PRDM7: variants seen among roughly 807,000 people sequenced by gnomAD.
The protein encoded by PRDM7 is histone-lysine N-methyltransferase PRDM7.
In PRDM7, 52 loss-of-function variants were observed where a neutral mutation model predicts 64.3. The ratio of observed to expected loss-of-function variants is 0.81; its 90% CI spans 0.65 to 1.02. The LOEUF is 1.02. PRDM7 is among the 50% of genes least tolerant of loss of function. The pLI is 0.00. For missense variants in PRDM7, 574 were observed against 597.1 expected, an observed-to-expected ratio of 0.96 and a Z score of 0.40; for synonymous variants, 192 against 210.1, an observed-to-expected ratio of 0.91 and a Z score of 0.74.
At position 90,062,503 on chromosome 16, in the gene PRDM7, C is replaced by A. The variant is rs751078047; in HGVS notation, c.509-1G>T. The A allele has an allele frequency of 5.0e-6, 8 of 1,611,748 alleles. No homozygotes were observed. The highest frequency in any genetic ancestry group is 6.8e-6 in the Non-Finnish European group (8 of 1,178,002). ...CCTTCAGTCTCCTTCCTCCTGAGTT[C>A]TAGGTTGGAGAAGAGTAGATGGGTA... On this transcript the variant is annotated splice_acceptor_variant, in intron 6 of 10. Coordinates refer to ENST00000449207, the MANE Select transcript of PRDM7 (RefSeq NM_001098173.2). LOFTEE classifies it high-confidence loss of function.
chr16:90,076,491 A>G (rs185360124), intron 1 of PRDM7, among the ~76,000 whole-genome samples: 73 of 152,274 alleles, frequency 4.8e-4, no homozygotes, highest in African/African-American at 1.6e-3. Flanking sequence ...AGGGGAAGCT[A>G]TCTCTCAGGT....
At chr16:90,062,228 A>G (rs1311796377) in intron 7 of PRDM7, 36 bp from the exon 8 acceptor site, 1 of 1,614,240 alleles carries the variant, frequency 6.2e-7, no homozygotes, top group East Asian at 2.2e-5. Flanking sequence ...GGAAAGTTGT[A>G]ATGCATGTTC....
intron 4 of PRDM7, 49 bp downstream of exon 4, chr16:90,074,867 G>C (rs772769163): frequency 6.3e-7 from 1 of 1,584,838 alleles, no homozygotes; most frequent in South Asian, 1.1e-5. Flanking sequence ...CAACAAGAGC[G>C]AAACTCCGTC....
At chr16:90,060,694 C>T (rs1484769340) in intron 9 of PRDM7, 71 bp from the exon 10 acceptor site, 5 of 1,582,526 alleles carry the variant, frequency 3.2e-6, no homozygotes, top group African/African-American at 1.3e-5. Flanking sequence ...CTACAATGCT[C>T]ATCCTGCCTA....
At chr16:90,065,475 C>T (rs1471770719) in intron 5 of PRDM7, among the ~76,000 whole-genome samples, 2 of 150,436 alleles carry the variant, frequency 1.3e-5, no homozygotes, top group Admixed American at 6.6e-5. Context: ...TGGCTCACAT[C>T]TGTAATCCCA....
chr16:90,075,832 G>A lies in PRDM7; in HGVS notation c.69+10C>T, dbSNP rs765971660. ...GCTGGGAGTCTGGCTTCGCCTCCCC[G>A]ACTTCTCACCATGGGCTTCCGCTCT... is the stretch of plus-strand genomic sequence containing the variant. On this transcript the variant is annotated intron_variant, in intron 2 of 10. Coordinates refer to ENST00000449207, the MANE Select transcript of PRDM7 (RefSeq NM_001098173.2). This position sits in a 1 kb window ranked among gnomAD's most constrained non-coding sequence, Gnocchi z 4.3. 9.9e-6 allele frequency: 16 copies of A among 1,613,194 alleles called. No individual in the cohort carries two copies. Among genetic ancestry groups the A allele is most frequent in the Non-Finnish European group, 1.2e-5 (14 of 1,179,638 alleles).
At position 90,060,530 on chromosome 16, in the gene PRDM7, C is replaced by A; in HGVS notation, c.1044G>T (p.Arg348Ser). 4 of 1,614,030 alleles carry A rather than the reference C, an allele frequency of 2.5e-6. No homozygotes were observed. The highest frequency in any genetic ancestry group is 3.4e-6 in the Non-Finnish European group (4 of 1,179,942). The change falls in exon 10 of 11, where the codon AGG (arginine) becomes AGT (serine). Residue 348 changes from arginine (R) to serine (S), a missense_variant. Coordinates refer to ENST00000449207, the MANE Select transcript of PRDM7 (RefSeq NM_001098173.2). ...ACCAGACCAGCAGTTCACAGCCTGGCCTAATGACTCGGCAGGTTCTATAGA... is the reference window on the plus strand; with the variant it reads ...ACCAGACCAGCAGTTCACAGCCTGGACTAATGACTCGGCAGGTTCTATAGA... ...QIFYRTCRVIRPGCELLVWSG... is the reference protein window; with the variant it reads ...QIFYRTCRVISPGCELLVWSG...
rs770201192 is a variant in PRDM7 at position 90,063,712 on chromosome 16, C to G, written c.408G>C (p.Thr136=). The stretch of plus-strand genomic sequence containing the variant: ...AGTCACTTGTATTCAGTAAATTTGG[C>G]GTTCCTGACAATTCTCTCAAACTAG... The part of the protein sequence containing the change: ...NESSLRELSG[T]PNLLNTSDSE... Residue 136 remains threonine, a synonymous_variant, in exon 6 of 11, where the codon ACG becomes ACC. Transcript: ENST00000449207. 3 of 1,614,050 alleles carry G rather than the reference C, an allele frequency of 1.9e-6. No individual in the cohort carries two copies. Among genetic ancestry groups the G allele is most frequent in the Admixed American group, 3.3e-5 (2 of 60,006 alleles).
At chr16:90,068,417 C>G (rs191935582) in intron 4 of PRDM7, among the ~76,000 whole-genome samples, 1 of 150,976 alleles carries the variant, frequency 6.6e-6, no homozygotes, top group Non-Finnish European at 1.5e-5. Context: ...GGGGGGATCA[C>G]GAGGTCAGGA....
At chr16:90,067,345 G>T (rs2037891732) in intron 4 of PRDM7, among the ~76,000 whole-genome samples, 1 of 150,958 alleles carries the variant, frequency 6.6e-6, no homozygotes, top group African/African-American at 2.5e-5. Flanking sequence ...AGGGCAATTT[G>T]GAAATGTTTT....
chr16:90,062,354 C>G, intron 7 of PRDM7, 47 bp downstream of exon 7: 1 of 1,613,794 alleles, frequency 6.2e-7, no homozygotes, highest in Non-Finnish European at 8.5e-7. Context: ...AATTATTGTA[C>G]CAGGACATAA....
In PRDM7 at chr16:90,058,551, T is replaced by G. The variant is rs754216983; in HGVS notation, c.1234-17A>C. 6.2e-7 allele frequency: 1 copy of G among 1,612,390 alleles called. No individual in the cohort carries two copies. Among genetic ancestry groups the G allele is most frequent in the Non-Finnish European group, 8.5e-7 (1 of 1,178,440 alleles). ...GCTTTGGTTCTGAAAGAGGAAGTTT[T>G]TGGTCAGGGTAGATGTTTTGTTCAG... On this transcript the variant is annotated splice_polypyrimidine_tract_variant and intron_variant, in intron 10 of 10. Transcript: ENST00000449207.
In PRDM7 at chr16:90,075,178, G is replaced by A. The variant is rs1207241116; in HGVS notation, c.194-155C>T. Among the ~76,000 whole-genome samples, 5 of 152,208 alleles carry A rather than the reference G, an allele frequency of 3.3e-5. No individual in the cohort carries two copies. Among genetic ancestry groups the A allele is most frequent in the Admixed American group, 6.5e-5 (1 of 15,288 alleles). ...TCAAGATGTGACCTCTGCATGGTCA[G>A]TATCCACACACAACCCTGCACTGAC... On this transcript the variant is annotated intron_variant, in intron 3 of 10. Transcript: ENST00000449207. The surrounding 1 kb of genome is among the most constrained non-coding windows in gnomAD (Gnocchi z 4.3).
chr16:90,066,799 T>C, intron 5 of PRDM7, 62 bp downstream of exon 5: 1 of 1,424,674 alleles, frequency 7.0e-7, no homozygotes, highest in Non-Finnish European at 9.8e-7. Context: ...ATTCTCCTTC[T>C]CTTACCTGTA....
Position 90,060,605 on chromosome 16 carries a change from C to A in PRDM7, c.969G>T (p.Arg323=). The A allele has an allele frequency of 6.2e-7, 1 of 1,614,122 alleles. No individual in the cohort carries two copies. ...ANWMRYVNCA[R]DDEEQNLVAF... is the part of the protein sequence containing the mutation. ...CCACCAGGTTCTGCTCTTCATCATC[C>A]CGGGCACAGTTCACATACCTGGGGT... The change falls in exon 10 of 11, where the codon CGG becomes CGT. Residue 323 remains arginine, a synonymous_variant. Transcript: ENST00000449207.
chr16:90,075,554 C>A lies in PRDM7; in HGVS notation c.70-80G>T. On this transcript the variant is annotated intron_variant, in intron 2 of 10. Coordinates refer to ENST00000449207, the MANE Select transcript of PRDM7 (RefSeq NM_001098173.2). The surrounding 1 kb of genome is among the most constrained non-coding windows in gnomAD (Gnocchi z 4.3). The stretch of plus-strand genomic sequence containing the variant: ...CTTTTCCTCTACCCTGCGTGTAGGG[C>A]ATAGCCTGGGGCCTCTGGGAGTCTC... 1.2e-6 allele frequency: 2 copies of A among 1,606,138 alleles called. No homozygotes were observed. Among genetic ancestry groups the A allele is most frequent in the Non-Finnish European group, 1.7e-6 (2 of 1,173,222 alleles).
chr16:90,074,403 C>CCCAT (rs979038589), intron 4 of PRDM7, among the ~76,000 whole-genome samples: 1 of 151,568 alleles, frequency 6.6e-6, no homozygotes, highest in African/African-American at 2.4e-5. Context: ...ATGGTGAAAC[C>CCCAT]CCATCTCTAC....
At position 90,057,726 on chromosome 16, in the gene PRDM7, T is replaced by A. The variant is rs2037705749; in HGVS notation, c.*563A>T. ...GATCTCTTTACACTCTCGGGGAATG[T>A]AAGGGGTTAGCAGACTTTCGCTGAA... On this transcript the variant is annotated 3_prime_UTR_variant, in exon 11 of 11. Transcript: ENST00000449207. 1.6e-6 allele frequency: 2 copies of A among 1,245,984 alleles called. No homozygotes were observed. Among genetic ancestry groups the A allele is most frequent in the African/African-American group, 1.6e-5 (1 of 63,890 alleles). The allele number at this position is 1,245,984 out of a possible 1,614,324, so 77.2% of individuals were successfully genotyped here.
Position 90,075,250 on chromosome 16 carries a change from A to G in PRDM7, c.193+101T>C, listed in dbSNP as rs2038019419. 1 of 1,586,960 alleles carries G rather than the reference A, an allele frequency of 6.3e-7. No individual in the cohort carries two copies. Among genetic ancestry groups the G allele is most frequent in the Admixed American group, 1.7e-5 (1 of 59,408 alleles). ...CCAGATTTGTCTCCGTGCAAAAGGG[A>G]ATTGTGGGCAGATGCCGCCACCTGA... is the stretch of plus-strand genomic sequence containing the variant. On this transcript the variant is annotated intron_variant, in intron 3 of 10. Coordinates refer to ENST00000449207, the MANE Select transcript of PRDM7 (RefSeq NM_001098173.2). This position sits in a 1 kb window ranked among gnomAD's most constrained non-coding sequence, Gnocchi z 4.3.
Sources: allele counts gnomAD v4.1 joint callset (sites outside exome capture counted in the v4.1 genomes callset), GRCh38; gene constraint gnomAD v4.1.1; non-coding constraint Gnocchi (gnomAD v3.1); transcripts MANE v1.5; gene names NCBI Gene and HGNC (gene_info 2026-07-23, HGNC 2026-07-21).